PRSS3: variants seen among roughly 807,000 people sequenced by gnomAD.
PRSS3 encodes trypsin-3.
PRSS3 carries 14 observed loss-of-function variants against 20.8 expected under a neutral mutation model. The ratio of observed to expected loss-of-function variants is 0.67; its 90% CI spans 0.44 to 1.05. The LOEUF (loss-of-function observed/expected upper bound fraction) is 1.05, where lower values mean the gene tolerates loss of function less well. PRSS3 is among the 50% of genes least tolerant of loss of function. PRSS3 has a pLI of 0.00. For missense variants in PRSS3, 237 were observed against 306.4 expected, an observed-to-expected ratio of 0.77 and a Z score of 1.69; for synonymous variants, 91 against 117.6, an observed-to-expected ratio of 0.77 and a Z score of 1.46.
At chr9:33,761,693 C>T (rs56899399) in intron 1 of PRSS3, among the ~76,000 whole-genome samples, 47,905 of 151,440 alleles carry the variant, frequency 0.32, 8,501 homozygotes, top group East Asian at 0.57. Flanking sequence ...ACAACAAGAG[C>T]GAAACTCCGC....
Position 33,796,642 on chromosome 9 carries a change from G to T in PRSS3, c.41-1G>T. On this transcript the variant is annotated splice_acceptor_variant, in intron 1 of 4. Transcript: ENST00000379405. LOFTEE classifies it high-confidence loss of function. The stretch of plus-strand genomic sequence containing the variant: ...CTTCTCCCTTCCTATTTCCACTCCA[G>T]TTGCTGTCCCCTTTGACGATGATGA... The T allele has an allele frequency of 6.2e-7, 1 of 1,613,956 alleles. No homozygotes were observed.
chr9:33,766,497 G>A (rs1001631613), intron 1 of PRSS3, among the ~76,000 whole-genome samples: 2 of 151,890 alleles, frequency 1.3e-5, no homozygotes, highest in South Asian at 2.1e-4. Context: ...GGCGTGAACC[G>A]GGGAGGTGGA....
chr9:33,756,591 A>T (rs1056447912), intron 1 of PRSS3, among the ~76,000 whole-genome samples: 4 of 152,030 alleles, frequency 2.6e-5, no homozygotes, highest in African/African-American at 9.7e-5. Flanking sequence ...TTTTTATTTT[A>T]AAAAAATCCC....
At position 33,796,784 on chromosome 9, in the gene PRSS3, C is replaced by T; in HGVS notation, c.182C>T (p.Ala61Val). The change falls in exon 2 of 5, where the codon GCA becomes GTA. Residue 61 changes from alanine to valine, a missense_variant. Transcript: ENST00000379405. ...SLISEQWVVS[A>V]AHCYKTRIQV... ...ATCAGCGAACAGTGGGTGGTATCAG[C>T]AGCTCACTGCTACAAGACGTAAGTG... 6.2e-7 allele frequency: 1 copy of T among 1,614,014 alleles called. No homozygotes were observed. Among genetic ancestry groups the T allele is most frequent in the South Asian group, 1.1e-5 (1 of 91,080 alleles).
chr9:33,765,134 C>T (rs1823358993), intron 1 of PRSS3, among the ~76,000 whole-genome samples: 1 of 152,174 alleles, frequency 6.6e-6, no homozygotes, highest in Non-Finnish European at 1.5e-5. Context: ...GTATTCCACT[C>T]CTAGGTATAC....
At chr9:33,783,373 G>A (rs1163883704) in intron 1 of PRSS3, among the ~76,000 whole-genome samples, 6 of 152,174 alleles carry the variant, frequency 3.9e-5, no homozygotes, top group Non-Finnish European at 8.8e-5. Context: ...TTCAACTCCA[G>A]TTAATTATAT....
intron 1 of PRSS3, among the ~76,000 whole-genome samples, chr9:33,771,892 A>T (rs2118912763): frequency 2.3e-5 from 3 of 132,614 alleles, no homozygotes; most frequent in African/African-American, 2.8e-5. Flanking sequence ...TTTTTTTTGA[A>T]ACTAAATCTT....
chr9:33,769,060 G>A (rs1272019848), intron 1 of PRSS3, among the ~76,000 whole-genome samples: 2 of 152,094 alleles, frequency 1.3e-5, no homozygotes, highest in African/African-American at 4.8e-5. Context: ...TGTTGAATTG[G>A]ATTCTCATGT....
chr9:33,753,956 T>G (rs1390002653), intron 1 of PRSS3, among the ~76,000 whole-genome samples: 2 of 152,082 alleles, frequency 1.3e-5, no homozygotes, highest in Admixed American at 6.5e-5. Context: ...AGCATGGAGC[T>G]CTCATCCTCA....
chr9:33,793,365 A>C (rs1824726759), upstream of PRSS3, among the ~76,000 whole-genome samples: 1 of 152,242 alleles, frequency 6.6e-6, no homozygotes, highest in South Asian at 2.1e-4. Context: ...CAAGGGGACA[A>C]AATGAAACAA....
intron 1 of PRSS3, among the ~76,000 whole-genome samples, chr9:33,767,659 A>G: frequency 6.6e-6 from 1 of 152,130 alleles, no homozygotes. Flanking sequence ...CCCCGTCTCT[A>G]CTAAAAATAC....
chr9:33,750,829 C>T lies in PRSS3; in HGVS notation c.-53+102C>T. The stretch of plus-strand genomic sequence containing the variant: ...GGCTGTGATGGAGAGGGGGTTCCGA[C>T]TCGCATGGGACCTGCGGGGGAGGGT... On this transcript the variant is annotated intron_variant, in intron 1 of 5. Transcript: ENST00000342836. This position sits in a 1 kb window ranked among gnomAD's most constrained non-coding sequence, Gnocchi z 4.8. 7.2e-7 allele frequency: 1 copy of T among 1,391,090 alleles called. No individual in the cohort carries two copies. The highest frequency in any genetic ancestry group is 1.5e-5 in the African/African-American group (1 of 65,662). 86.2% of individuals were successfully genotyped at this position (1,391,090 alleles called of 1,614,324 possible). A position where few individuals can be genotyped will look rare whatever the true frequency, so the allele number is the denominator to read the frequency against.
intron 3 of PRSS3, 168 bp downstream of exon 3, chr9:33,798,250 T>G (rs796314282): frequency 1.4e-6 from 2 of 1,415,028 alleles, no homozygotes; most frequent in Admixed American, 4.1e-5. Flanking sequence ...TCTCAAGGAC[T>G]TGGCTCCTAA....
chr9:33,780,391 C>T (rs1464042165), intron 1 of PRSS3, among the ~76,000 whole-genome samples: 1 of 152,124 alleles, frequency 6.6e-6, no homozygotes, highest in Non-Finnish European at 1.5e-5. Flanking sequence ...GTAGACCATC[C>T]TTACAAAAGG....
At chr9:33,795,682 T>C (rs1232712459) in intron 1 of PRSS3, 69 bp downstream of exon 1, 51 of 1,556,488 alleles carry the variant, frequency 3.3e-5, no homozygotes, top group Non-Finnish European at 8.9e-6. Flanking sequence ...CTGCCATTCT[T>C]GCCACCTCTC....
At chr9:33,771,629 G>GTTTTTTT (rs1215528117) in intron 1 of PRSS3, among the ~76,000 whole-genome samples, 5 of 115,190 alleles carry the variant, frequency 4.3e-5, no homozygotes, top group African/African-American at 1.1e-4. Flanking sequence ...ACTGGGTTTT[G>GTTTTTTT]TTTTTTTGTT....
intron 2 of PRSS3, among the ~76,000 whole-genome samples, chr9:33,797,142 T>A (rs1825001415): frequency 6.6e-6 from 1 of 151,964 alleles, no homozygotes; most frequent in Non-Finnish European, 1.5e-5. Flanking sequence ...CTCAAACTTC[T>A]CAGGAAGACA....
chr9:33,769,829 G>A (rs1362337233), intron 1 of PRSS3, among the ~76,000 whole-genome samples: 1 of 152,232 alleles, frequency 6.6e-6, no homozygotes, highest in African/African-American at 2.4e-5. Flanking sequence ...CCACCCTGTG[G>A]ACCCAGACAA....
chr9:33,794,738 A>C, upstream of PRSS3: 2 of 1,533,200 alleles, frequency 1.3e-6, no homozygotes, highest in Non-Finnish European at 1.8e-6. Context: ...GCATCACCCT[A>C]AGTGCAGGTT....
Sources: allele counts gnomAD v4.1 joint callset (sites outside exome capture counted in the v4.1 genomes callset), GRCh38; gene constraint gnomAD v4.1.1; non-coding constraint Gnocchi (gnomAD v3.1); transcripts MANE v1.5; gene names NCBI Gene and HGNC (gene_info 2026-07-23, HGNC 2026-07-21).